The following HUWE1 variants were observed in gnomAD, a reference collection of about 807,000 sequenced individuals.
The protein encoded by HUWE1 is E3 ubiquitin-protein ligase HUWE1.
Under a neutral mutation model 299.4 loss-of-function variants are expected in HUWE1, and 18 were observed. The ratio of observed to expected loss-of-function variants is 0.06; its 90% confidence interval spans 0.04 to 0.09. The LOEUF is 0.09. Among genes scored for constraint, HUWE1 ranks in the 10% least tolerant of loss-of-function variants. HUWE1 has a pLI of 1.00. For synonymous variants in HUWE1, 1,317 were observed against 1,286.1 expected (o/e 1.02, Z -0.51); for missense variants, 1,832 against 3,462.3 (o/e 0.53, Z 11.82).
At position 53,616,959 on chromosome X, in the gene HUWE1, T is replaced by G. The variant is rs782038850; in HGVS notation, c.1957+11A>C. 1.7e-6 allele frequency: 2 copies of G among 1,196,026 alleles called. No individual in the cohort carries two copies. Among genetic ancestry groups the G allele is most frequent in the Admixed American group, 4.4e-5 (2 of 45,810 alleles). On this transcript the variant is annotated intron_variant, in intron 21 of 83. Coordinates refer to ENST00000262854, the MANE Select transcript of HUWE1 (RefSeq NM_031407.7). Reference sequence around the variant, plus strand: ...CAATTTTCTACTATAAAATAAATCTTAACAACTTACCAAGGGGATCAGAAC... The same window carrying G: ...CAATTTTCTACTATAAAATAAATCTGAACAACTTACCAAGGGGATCAGAAC...
At chrX:53,625,826 A>ACCAGGACCGGGGCCGGGGCCGGGG (rs782684783) in intron 17 of HUWE1, 1 of 127,995 alleles carries the variant, frequency 7.8e-6, no homozygotes, top group African/African-American at 3.3e-5. Flanking sequence ...CAGGGCCGGG[A>ACCAGGACCGGGGCCGGGGCCGGGG]CCAGGACCGG....
At chrX:53,673,855 C>T (rs1339027761) in intron 3 of HUWE1, among the ~76,000 whole-genome samples, 2 of 111,374 alleles carry the variant, frequency 1.8e-5, no homozygotes, top group Admixed American at 1.9e-4. Context: ...TAGAAATGCA[C>T]ATATTACAGA....
chrX:53,543,998 T>C, intron 72 of HUWE1, 30 bp from the exon 73 acceptor site: 6 of 1,134,464 alleles, frequency 5.3e-6, no homozygotes, highest in Non-Finnish European at 7.2e-6. Context: ...GAAGGCAAGA[T>C]ATAAAATATA....
chrX:53,577,645 AG>A (rs1556960457), intron 43 of HUWE1, among the ~76,000 whole-genome samples: 1 of 112,150 alleles, frequency 8.9e-6, no homozygotes, highest in Non-Finnish European at 1.9e-5. Context: ...CAGCCTGCCG[AG>A]TGCCTGCGAT....
At chrX:53,565,903 G>C (rs1162192323) in intron 49 of HUWE1, among the ~76,000 whole-genome samples, 1 of 108,662 alleles carries the variant, frequency 9.2e-6, no homozygotes, top group Non-Finnish European at 1.9e-5. Flanking sequence ...ATAACAGTTT[G>C]AAGTCCTGTG....
At position 53,533,269 on chromosome X, in the gene HUWE1, C is replaced by A. The variant is rs2060848255; in HGVS notation, c.*40G>T. On this transcript the variant is annotated 3_prime_UTR_variant, in exon 84 of 84. Coordinates refer to ENST00000262854, the MANE Select transcript of HUWE1 (RefSeq NM_031407.7). ...TTAACTCCCCCCTCCCCAGGTCCAA[C>A]AATGGTAAAAAAAACCCCACGGAGT... is the stretch of plus-strand genomic sequence containing the variant. The A allele has an allele frequency of 4.3e-6, 4 of 926,220 alleles. No homozygotes were observed. The East Asian group carries it at 1.2e-4, about 29-fold the overall frequency. 76.3% of individuals were successfully genotyped at this position (926,220 alleles called of 1,213,427 possible).
chrX:53,534,336 A>G lies in HUWE1; in HGVS notation c.12832-139T>C, dbSNP rs939536521. 4 of 694,705 alleles carry G rather than the reference A, an allele frequency of 5.8e-6. No individual in the cohort carries two copies. In the African/African-American group the frequency reaches 8.6e-5, roughly 15 times the overall value. 57.3% of individuals were successfully genotyped at this position (694,705 alleles called of 1,213,427 possible). ...TGTGGGATGAGCTTTAGCTCCTTTCATTCATAAGACGGCCAAGAGAAGTCT... is the reference window on the plus strand; with the variant it reads ...TGTGGGATGAGCTTTAGCTCCTTTCGTTCATAAGACGGCCAAGAGAAGTCT... On this transcript the variant is annotated intron_variant, in intron 82 of 83. Coordinates refer to ENST00000262854, the MANE Select transcript of HUWE1 (RefSeq NM_031407.7).
chrX:53,679,202 G>C (rs782105419), intron 3 of HUWE1, among the ~76,000 whole-genome samples: 1 of 110,426 alleles, frequency 9.1e-6, no homozygotes, highest in African/African-American at 3.3e-5. Context: ...AGAACCTGCA[G>C]ATTAAAATAG....
Position 53,629,513 on chromosome X carries a change from T to TA in HUWE1, c.963+2dup, listed in dbSNP as rs1162799794. ...AGGGTTACTCAACCTGTAAAATACT[T>TA]ACCATAAGCTGCTTATCCGTTATCT... On this transcript the variant is annotated splice_region_variant and intron_variant, in intron 13 of 83. Transcript: ENST00000262854. 8.9e-7 allele frequency: 1 copy of TA among 1,127,763 alleles called. No individual in the cohort carries two copies. Among genetic ancestry groups the TA allele is most frequent in the Non-Finnish European group, 1.2e-6 (1 of 820,912 alleles). 92.9% of individuals were successfully genotyped at this position (1,127,763 alleles called of 1,213,427 possible).
intron 49 of HUWE1, among the ~76,000 whole-genome samples, chrX:53,565,913 G>T (rs1254629484): frequency 9.2e-6 from 1 of 108,528 alleles, no homozygotes; most frequent in Non-Finnish European, 1.9e-5. Context: ...GAAGTCCTGT[G>T]AATTTCAAAT....
intron 7 of HUWE1, among the ~76,000 whole-genome samples, chrX:53,644,054 G>A (rs1324927692): frequency 9.0e-6 from 1 of 111,598 alleles, no homozygotes; most frequent in Non-Finnish European, 1.9e-5. Flanking sequence ...AAACTCCTGG[G>A]CTCAAGCGAT....
Position 53,548,082 on chromosome X carries a change from C to T in HUWE1, c.10227G>A (p.Lys3409=), listed in dbSNP as rs782650465. Residue 3409 remains lysine, a synonymous_variant, in exon 68 of 84, where the codon AAG becomes AAA. Coordinates refer to ENST00000262854, the MANE Select transcript of HUWE1 (RefSeq NM_031407.7). The part of the protein sequence containing the change: ...NVSRKGKNSV[K]SVPVSAGGEG... The stretch of plus-strand genomic sequence containing the variant: ...CACCGCCAGCGCTCACTGGCACTGA[C>T]TTCACGGAGTTCTTGCCTTTCCGGC... 1.7e-6 allele frequency: 2 copies of T among 1,209,469 alleles called. No homozygotes were observed. The highest frequency in any genetic ancestry group is 1.8e-5 in the South Asian group (1 of 56,376).
intron 59 of HUWE1, among the ~76,000 whole-genome samples, 155 bp downstream of exon 59, chrX:53,558,500 C>T (rs782766900): frequency 1.8e-5 from 2 of 111,934 alleles, no homozygotes; most frequent in South Asian, 7.5e-4. Flanking sequence ...CCCCTAAAAA[C>T]CAGGTCAATG....
At chrX:53,546,948 A>C (rs2061562915) in intron 68 of HUWE1, 123 bp from the exon 69 acceptor site, 1 of 879,499 alleles carries the variant, frequency 1.1e-6, no homozygotes, top group Non-Finnish European at 1.6e-6. Flanking sequence ...CTGAAAAAGA[A>C]AACCCACCCA....
At chrX:53,541,682 T>C (rs1364924874) in intron 74 of HUWE1, among the ~76,000 whole-genome samples, 5 of 110,967 alleles carry the variant, frequency 4.5e-5, no homozygotes, top group African/African-American at 1.6e-4. Context: ...CTGGGCAACA[T>C]AGTGAGACTC....
At chrX:53,542,845 TTGTGTGTGTGTGTGTGTGTG>T (rs57187405) in intron 73 of HUWE1, 106 of 163,979 alleles carry the variant, frequency 6.5e-4, no homozygotes, top group African/African-American at 1.7e-3. Context: ...TCTTCTTCTG[TTGTGTGTGTGTGTGTGTGTG>T]TGTGTGTGTG....
intron 28 of HUWE1, among the ~76,000 whole-genome samples, chrX:53,601,825 C>T (rs1225529558): frequency 1.8e-5 from 2 of 109,485 alleles, no homozygotes; most frequent in Non-Finnish European, 3.8e-5. Context: ...TGTGCCACCA[C>T]GCCCGGCTAA....
chrX:53,647,237 T>C, intron 6 of HUWE1, 131 bp downstream of exon 6: 1 of 530,535 alleles, frequency 1.9e-6, no homozygotes, highest in Non-Finnish European at 3.4e-6. Context: ...ATTCTACTAT[T>C]ATCTTTGACA....
In HUWE1 at chrX:53,549,478, G is replaced by C. The variant is rs782112110; in HGVS notation, c.9516C>G (p.Leu3172=). The C allele has an allele frequency of 5.8e-6, 7 of 1,207,002 alleles. No homozygotes were observed. The highest frequency in any genetic ancestry group is 7.8e-6 in the Non-Finnish European group (7 of 894,819). The change falls in exon 67 of 84, where the codon CTC becomes CTG. Residue 3172 remains leucine, a synonymous_variant. Transcript: ENST00000262854. The part of the protein sequence containing the change: ...NRPSGSNVDT[L]LRLRGRLLLD... ...GAAGGAGCCGTCCTCGGAGGCGGAG[G>C]AGAGTATCTACATTACTGCCAGAAG...
Sources: gnomAD v4.1 joint callset for allele counts (sites outside exome capture counted in the v4.1 genomes callset) on GRCh38, gnomAD v4.1.1 for gene constraint, MANE v1.5 for transcripts, NCBI Gene and HGNC (gene_info 2026-07-23, HGNC 2026-07-21) for gene names.